Variants in RGS11 observed in about 807,000 individuals in gnomAD.
RGS11 encodes regulator of G protein signaling 11.
Under a neutral mutation model 71.1 loss-of-function variants are expected in RGS11, and 86 were observed. The ratio of observed to expected loss-of-function variants is 1.21; its 90% CI spans 1.02 to 1.45. RGS11 has a LOEUF of 1.45. Among genes scored for constraint, RGS11 ranks in the 40% most tolerant of loss-of-function variants. The probability of loss-of-function intolerance (pLI) is 0.00; values close to 1 mark genes in which losing one functional copy is unlikely to be tolerated. For missense variants in RGS11, 734 were observed against 635.1 expected, an observed-to-expected ratio of 1.16 and a Z score of -1.67; for synonymous variants, 298 against 254.2, an observed-to-expected ratio of 1.17 and a Z score of -1.64.
chr16:270,372 G>A, intron 15 of RGS11, 151 bp downstream of exon 15: 4 of 908,178 alleles, frequency 4.4e-6, no homozygotes, highest in South Asian at 3.5e-5. Context: ...CAGGAGAGCG[G>A]CCAGGGCGGC....
chr16:269,676 C>G (rs2051827254), intron 15 of RGS11, 91 bp from the exon 16 acceptor site: 2 of 1,011,732 alleles, frequency 2.0e-6, no homozygotes, highest in Non-Finnish European at 3.0e-6. Flanking sequence ...TTGCTGGAGC[C>G]TCCTCCAGCC....
At position 274,221 on chromosome 16, in the gene RGS11, C is replaced by T. The variant is rs769143286; in HGVS notation, c.363G>A (p.Leu121=). Reference sequence around the variant, plus strand: ...AGCCGTCCCCTTGCTCACCATAGTCCAGCTCTGCAGCCGGCCTCAGGGTAC... The same window carrying T: ...AGCCGTCCCCTTGCTCACCATAGTCTAGCTCTGCAGCCGGCCTCAGGGTAC... ...WTSTLRPAAE[L]DYAIYLAKKN... is the part of the protein sequence containing the mutation. The change falls in exon 5 of 17, where the codon CTG becomes CTA. Residue 121 remains leucine (L), a synonymous_variant. Transcript: ENST00000397770. 1.2e-6 allele frequency: 2 copies of T among 1,610,476 alleles called. No individual in the cohort carries two copies. The highest frequency in any genetic ancestry group is 3.3e-5 in the Admixed American group (2 of 59,720).
intron 9 of RGS11, chr16:272,657 G>A: frequency 2.7e-6 from 4 of 1,456,394 alleles, no homozygotes; most frequent in Non-Finnish European, 2.7e-6. Context: ...ACCCAGGGCA[G>A]CAGGTGGGAG....
chr16:274,284 A>C lies in RGS11; in HGVS notation c.319-19T>G. ...ACGGGGTCTGGCGTGGTGCAGGGAG[A>C]AGGTGTCCAGGACGCCTGCGTCTGT... On this transcript the variant is annotated intron_variant, in intron 4 of 16. Transcript: ENST00000397770. 6.2e-7 allele frequency: 1 copy of C among 1,605,682 alleles called. No homozygotes were observed. Among genetic ancestry groups the C allele is most frequent in the Non-Finnish European group, 8.5e-7 (1 of 1,176,564 alleles).
Position 270,992 on chromosome 16 carries a change from T to C in RGS11, c.971A>G (p.Glu324Gly). The part of the protein sequence containing the change: ...RAHFMDFLGK[E>G]FSGENLSFWE... ...GGCTGGGGGGTTCTCACCACTGAAC[T>C]CCTTTCCCAGAAAGTCCATGAAGTG... Residue 324 changes from glutamate to glycine, a missense_variant, in exon 13 of 17, where the codon GAG becomes GGG. Coordinates refer to ENST00000397770, the MANE Select transcript of RGS11 (RefSeq NM_183337.3). 1 of 1,611,256 alleles carries C rather than the reference T, an allele frequency of 6.2e-7. No individual in the cohort carries two copies. Among genetic ancestry groups the C allele is most frequent in the African/African-American group, 1.3e-5 (1 of 74,952 alleles).
rs780877504 is a variant in RGS11, at chr16:271,388, AC to A, written c.749+10del. 1.2e-6 allele frequency: 2 copies of A among 1,613,130 alleles called. No homozygotes were observed. The highest frequency in any genetic ancestry group is 4.5e-5 in the East Asian group (2 of 44,866). On this transcript the variant is annotated intron_variant, in intron 11 of 16. Transcript: ENST00000397770. ...CAGGGGTCTCCAGCTGCCACCCCTC[AC>A]CCCACTCACGCCTCAAGGCAGACGG...
Position 275,508 on chromosome 16 carries a change from G to A in RGS11, c.64-10C>T, listed in dbSNP as rs1001705831. Reference sequence around the variant, plus strand: ...CGACCACCCGCTCCATCTGGGCGGAGGGAGTCGTCAGGGGGTGTCTGGCCG... The same window carrying A: ...CGACCACCCGCTCCATCTGGGCGGAAGGAGTCGTCAGGGGGTGTCTGGCCG... On this transcript the variant is annotated splice_polypyrimidine_tract_variant and intron_variant, in intron 1 of 16. Transcript: ENST00000397770. 37 of 1,552,046 alleles carry A rather than the reference G, an allele frequency of 2.4e-5. No individual in the cohort carries two copies. Among genetic ancestry groups the A allele is most frequent in the Non-Finnish European group, 3.2e-5 (37 of 1,154,840 alleles).
In RGS11 at chr16:271,232, T is replaced by C. The variant is rs986264064; in HGVS notation, c.833A>G (p.Asn278Ser). The change falls in exon 12 of 17, where the codon AAT (asparagine) becomes AGT (serine). Residue 278 changes from asparagine (N) to serine (S), a missense_variant. Physicochemically the swap from Asn to Ser is conservative, Grantham distance 46. Coordinates refer to ENST00000397770, the MANE Select transcript of RGS11 (RefSeq NM_183337.3). ...CLPSNPWISD[N>S]DAYWVMNAPT... ...GGCATTCATGACCCAGTAGGCGTCA[T>C]TGTCTGAGATCCAGGGATTGCTGGG... 2.5e-6 allele frequency: 4 copies of C among 1,612,906 alleles called. No homozygotes were observed. Among genetic ancestry groups the C allele is most frequent in the South Asian group, 2.2e-5 (2 of 91,072 alleles).
rs1484932900 is a variant in RGS11 at position 275,095 on chromosome 16, G to A, written c.212-13C>T. On this transcript the variant is annotated splice_polypyrimidine_tract_variant and intron_variant, in intron 3 of 16. Transcript: ENST00000397770. Reference sequence around the variant, plus strand: ...AGGTGCAGGGCCTCTGGGGAGGGGTGGGACGGTGAGCGCGGGGCCGCGGAA... The same window carrying A: ...AGGTGCAGGGCCTCTGGGGAGGGGTAGGACGGTGAGCGCGGGGCCGCGGAA... 1 of 1,479,882 alleles carries A rather than the reference G, an allele frequency of 6.8e-7. No homozygotes were observed. The highest frequency in any genetic ancestry group is 9.0e-7 in the Non-Finnish European group (1 of 1,116,398). The allele number at this position is 1,479,882 out of a possible 1,614,324, so 91.7% of individuals were successfully genotyped here. A position where few individuals can be genotyped will look rare whatever the true frequency, so the allele number is the denominator to read the frequency against.
rs1297912172 is a variant in RGS11 at position 275,291 on chromosome 16, G to A, written c.203C>T (p.Ser68Leu). 2.5e-6 allele frequency: 4 copies of A among 1,612,578 alleles called. No individual in the cohort carries two copies. Among genetic ancestry groups the A allele is most frequent in the Admixed American group, 1.7e-5 (1 of 60,030 alleles). The change falls in exon 3 of 17, where the codon TCG becomes TTG. Residue 68 changes from serine to leucine, a missense_variant. Physicochemically the swap from Ser to Leu is moderately radical, Grantham distance 145 (BLOSUM62 -2). Transcript: ENST00000397770. ...VQWLAQKFCV[S>L]EEEALHLGAV... is the part of the protein sequence containing the mutation. The stretch of plus-strand genomic sequence containing the variant: ...GGAGGCAGGGCGCTCACCCTCCTCC[G>A]AGACGCAGAACTTCTGGGCCAACCA...
At chr16:272,398 TTGGGTCTGGA>T in intron 9 of RGS11, 2 of 1,293,790 alleles carry the variant, frequency 1.5e-6, no homozygotes, top group Non-Finnish European at 2.0e-6. Context: ...TTTCCAGATG[TTGGGTCTGGA>T]TGGGACTGGT....
intron 4 of RGS11, 144 bp downstream of exon 4, chr16:274,832 G>A (rs902062945): frequency 1.2e-5 from 14 of 1,140,528 alleles, no homozygotes; most frequent in Non-Finnish European, 1.7e-5. Flanking sequence ...GGGAGGGGGC[G>A]ATGGACCACC....
At position 275,556 on chromosome 16, in the gene RGS11, C is replaced by T. The variant is rs902838022; in HGVS notation, c.64-58G>A. On this transcript the variant is annotated intron_variant, in intron 1 of 16. Coordinates refer to ENST00000397770, the MANE Select transcript of RGS11 (RefSeq NM_183337.3). ...CCGCCCCGCAACCCTGATTCCCTGGCACCGGCCGGGATGCCCCGGATCCGG... is the reference window on the plus strand; with the variant it reads ...CCGCCCCGCAACCCTGATTCCCTGGTACCGGCCGGGATGCCCCGGATCCGG... 9 of 1,399,202 alleles carry T rather than the reference C, an allele frequency of 6.4e-6. No homozygotes were observed. The Admixed American group carries it at 1.0e-4, about 16-fold the overall frequency. 86.7% of individuals were successfully genotyped at this position (1,399,202 alleles called of 1,614,324 possible).
At position 268,726 on chromosome 16, in the gene RGS11, A is replaced by G; in HGVS notation, c.*543T>C. On this transcript the variant is annotated 3_prime_UTR_variant, in exon 17 of 17. Coordinates refer to ENST00000397770, the MANE Select transcript of RGS11 (RefSeq NM_183337.3). ...AGGAATAGGCGCAGCTCCGGAAGGC[A>G]GTGACCTCGAGGCAGCCTCAGCACG... 6.5e-7 allele frequency: 1 copy of G among 1,531,414 alleles called. No homozygotes were observed. The highest frequency in any genetic ancestry group is 8.8e-7 in the Non-Finnish European group (1 of 1,134,914). The allele number at this position is 1,531,414 out of a possible 1,614,324, so 94.9% of individuals were successfully genotyped here. A position where few individuals can be genotyped will look rare whatever the true frequency, so the allele number is the denominator to read the frequency against.
At chr16:269,643 C>G in intron 15 of RGS11, 58 bp from the exon 16 acceptor site, 1 of 1,347,128 alleles carries the variant, frequency 7.4e-7, no homozygotes. Flanking sequence ...TCAGCCAGCT[C>G]CACCCGAAGG....
At position 268,472 on chromosome 16, in the gene RGS11, G is replaced by GA. The variant is rs371528613; in HGVS notation, c.*796_*797insT. ...CAGCTGTACCTTCACCCAGTCTGGG[G>GA]GACTGGTGAGGCACTTGGGGGATGG... On this transcript the variant is annotated 3_prime_UTR_variant, in exon 17 of 17. Coordinates refer to ENST00000397770, the MANE Select transcript of RGS11 (RefSeq NM_183337.3). 527 of 486,056 alleles carry GA rather than the reference G, an allele frequency of 1.1e-3. 3 individuals carry two copies. The highest frequency in any genetic ancestry group is 9.8e-3 in the African/African-American group (503 of 51,560). The allele number at this position is 486,056 out of a possible 1,614,324, so 30.1% of individuals were successfully genotyped here. A position where few individuals can be genotyped will look rare whatever the true frequency, so the allele number is the denominator to read the frequency against.
intron 9 of RGS11, chr16:272,244 C>T (rs552659296): frequency 3.5e-4 from 423 of 1,204,668 alleles, no homozygotes; most frequent in Non-Finnish European, 4.3e-4. Context: ...CTTCATTGGT[C>T]GGCACCTCGC....
At chr16:275,521 G>A (rs762617999) in intron 1 of RGS11, 23 bp from the exon 2 acceptor site, 5 of 1,525,152 alleles carry the variant, frequency 3.3e-6, no homozygotes, top group Non-Finnish European at 4.4e-6. Context: ...AGTCGTCAGG[G>A]GGTGTCTGGC....
intron 1 of RGS11, 142 bp from the exon 2 acceptor site, chr16:275,640 C>T (rs1567243022): frequency 1.3e-6 from 1 of 760,228 alleles, no homozygotes; most frequent in Non-Finnish European, 2.0e-6. Flanking sequence ...GCGGCGGGGA[C>T]GCGGGGCGGG....
Sources: allele counts gnomAD v4.1 joint callset, GRCh38; gene constraint gnomAD v4.1.1; transcripts MANE v1.5; gene names NCBI Gene and HGNC (gene_info 2026-07-23, HGNC 2026-07-21).